Variants in OPCML observed in about 807,000 individuals in gnomAD.
The protein encoded by OPCML is opioid binding protein/cell adhesion molecule like.
In OPCML, 13 loss-of-function variants were observed where a neutral mutation model predicts 37.8. The observed-to-expected ratio is 0.34, with a 90% CI of 0.22 to 0.55. The LOEUF is 0.55. OPCML is among the 20% of genes least tolerant of loss of function. The probability of loss-of-function intolerance (pLI) is 0.91; values close to 1 mark genes in which losing one functional copy is unlikely to be tolerated. For synonymous variants in OPCML, 176 were observed against 168.8 expected, an observed-to-expected ratio of 1.04 and a Z score of -0.33; for missense variants, 341 against 435.6, an observed-to-expected ratio of 0.78 and a Z score of 1.93.
At chr11:133,178,368 G>C (rs114508078) in intron 1 of OPCML, among the ~76,000 whole-genome samples, 1 of 152,052 alleles carries the variant, frequency 6.6e-6, no homozygotes, top group Non-Finnish European at 1.5e-5. Flanking sequence ...GACATGGTTC[G>C]CAGTCTTCTG....
At chr11:132,512,645 T>C (rs972024647) in intron 4 of OPCML, among the ~76,000 whole-genome samples, 7 of 151,230 alleles carry the variant, frequency 4.6e-5, no homozygotes, top group African/African-American at 1.7e-4. Context: ...GATATGTGTG[T>C]AGGGTGCAAT....
intron 1 of OPCML, among the ~76,000 whole-genome samples, chr11:133,131,404 A>C (rs1213123132): frequency 6.6e-6 from 1 of 152,196 alleles, no homozygotes; most frequent in Admixed American, 6.5e-5. Flanking sequence ...GGAGAAAATT[A>C]TTTTAAAAAG....
intron 3 of OPCML, among the ~76,000 whole-genome samples, chr11:132,615,998 G>A (rs529168452): frequency 1.9e-4 from 29 of 152,246 alleles, no homozygotes; most frequent in Middle Eastern, 6.8e-3. Flanking sequence ...TGAAGAAGCA[G>A]GTCTGTTTAT....
chr11:132,762,657 C>T (rs376574012), intron 2 of OPCML, among the ~76,000 whole-genome samples: 45 of 152,224 alleles, frequency 3.0e-4, no homozygotes, highest in African/African-American at 9.9e-4. Context: ...GGTGGATGCC[C>T]GTCCCCCCAC....
At chr11:132,932,672 G>A (rs1475940734) in intron 2 of OPCML, among the ~76,000 whole-genome samples, 1 of 141,348 alleles carries the variant, frequency 7.1e-6, no homozygotes, top group Non-Finnish European at 1.5e-5. Context: ...GATAAATTGT[G>A]AATTCAGTTA....
intron 2 of OPCML, among the ~76,000 whole-genome samples, chr11:132,709,314 A>G (rs541689802): frequency 6.6e-6 from 1 of 152,340 alleles, no homozygotes; most frequent in South Asian, 2.1e-4. Context: ...GAAGAGTTGC[A>G]ACGATAATAC....
intron 1 of OPCML, among the ~76,000 whole-genome samples, chr11:133,345,935 T>C (rs1943992924): frequency 6.6e-6 from 1 of 152,196 alleles, no homozygotes. Context: ...CAATAGAACC[T>C]AAAGCAGGAC....
chr11:132,630,378 T>A lies in OPCML; in HGVS notation c.379+26709A>T, dbSNP rs554792284. Among the ~76,000 whole-genome samples the A allele has an allele frequency of 3.3e-5, 5 of 152,248 alleles. No homozygotes were observed. The South Asian group carries it at 8.3e-4, about 25-fold the overall frequency. On this transcript the variant is annotated intron_variant, in intron 3 of 7. Coordinates refer to ENST00000524381, the MANE Select transcript of OPCML (RefSeq NM_001012393.5). ...ATTGAGACCATCCTGGCCAATATGG[T>A]GAAACTCTGTCTCTACTAAAAATAC... is the stretch of plus-strand genomic sequence containing the variant.
chr11:133,228,781 A>G (rs1940150483), intron 1 of OPCML, among the ~76,000 whole-genome samples: 1 of 152,258 alleles, frequency 6.6e-6, no homozygotes, highest in African/African-American at 2.4e-5. Context: ...GCACACGCGG[A>G]GGCTGTTTAA....
intron 1 of OPCML, among the ~76,000 whole-genome samples, chr11:133,504,601 C>G (rs960613579): frequency 6.6e-6 from 1 of 152,196 alleles, no homozygotes; most frequent in Admixed American, 6.5e-5. Flanking sequence ...ACAGAGCCAG[C>G]CACGGGAGCC....
chr11:132,424,493 G>A (rs1274341580), intron 7 of OPCML, among the ~76,000 whole-genome samples: 1 of 152,150 alleles, frequency 6.6e-6, no homozygotes, highest in African/African-American at 2.4e-5. Flanking sequence ...AAGCCCACGG[G>A]TTTGGAAGAA....
chr11:132,706,019 G>A (rs565296258), intron 2 of OPCML, among the ~76,000 whole-genome samples: 2 of 151,932 alleles, frequency 1.3e-5, no homozygotes, highest in Admixed American at 1.3e-4. Flanking sequence ...TGTTGGCCAG[G>A]CTGGTCTCAA....
chr11:133,392,166 A>G (rs952936676), intron 1 of OPCML, among the ~76,000 whole-genome samples: 1 of 152,210 alleles, frequency 6.6e-6, no homozygotes, highest in Non-Finnish European at 1.5e-5. Flanking sequence ...AACATGAATT[A>G]ACGAATTTAA....
intron 2 of OPCML, among the ~76,000 whole-genome samples, chr11:132,807,804 T>G (rs1194802366): frequency 6.6e-6 from 1 of 152,206 alleles, no homozygotes; most frequent in Non-Finnish European, 1.5e-5. Context: ...AGGGATAGAA[T>G]TTATAAATCT....
chr11:133,373,616 C>T (rs1944733747), intron 1 of OPCML, among the ~76,000 whole-genome samples: 1 of 149,568 alleles, frequency 6.7e-6, no homozygotes, highest in Admixed American at 6.7e-5. Context: ...CAAAGACAGG[C>T]CCTGTCTCAG....
chr11:132,958,991 G>T (rs940555006), intron 1 of OPCML, among the ~76,000 whole-genome samples: 1 of 152,174 alleles, frequency 6.6e-6, no homozygotes, highest in Non-Finnish European at 1.5e-5. Context: ...TTATTCAAGA[G>T]ATACATTTGT....
chr11:132,694,218 A>T (rs1198718027), intron 2 of OPCML, among the ~76,000 whole-genome samples: 2 of 54,842 alleles, frequency 3.6e-5, no homozygotes, highest in Admixed American at 2.6e-4. Flanking sequence ...TTTTTTTTTT[A>T]AGACGGAATC....
chr11:132,694,109 G>A (rs1344736039), intron 2 of OPCML, among the ~76,000 whole-genome samples: 1 of 144,082 alleles, frequency 6.9e-6, no homozygotes, highest in Non-Finnish European at 1.5e-5. Flanking sequence ...TATGAATCTT[G>A]GTGAAATCAT....
At chr11:133,203,974 C>T (rs1192496385) in intron 1 of OPCML, among the ~76,000 whole-genome samples, 2 of 141,246 alleles carry the variant, frequency 1.4e-5, no homozygotes, top group Non-Finnish European at 3.0e-5. Context: ...AGGAGAATGG[C>T]ATGAACCTGG....
Sources: gnomAD v4.1 joint callset for allele counts (sites outside exome capture counted in the v4.1 genomes callset) on GRCh38, gnomAD v4.1.1 for gene constraint, MANE v1.5 for transcripts, NCBI Gene and HGNC (gene_info 2026-07-23, HGNC 2026-07-21) for gene names.